JADE2: variants seen among roughly 807,000 people sequenced by gnomAD.
The protein encoded by JADE2 is E3 ubiquitin-protein ligase Jade-2.
JADE2 carries 13 observed loss-of-function variants against 85.7 expected under a neutral mutation model. The observed-to-expected ratio is 0.15, with a 90% confidence interval of 0.10 to 0.24. JADE2 has a LOEUF of 0.24. Among genes scored for constraint, JADE2 ranks in the 10% least tolerant of loss-of-function variants. JADE2 has a pLI of 1.00. For missense variants in JADE2, 846 were observed against 1,115.9 expected, an observed-to-expected ratio of 0.76 and a Z score of 3.45; for synonymous variants, 440 against 456.1, an observed-to-expected ratio of 0.96 and a Z score of 0.45.
intron 1 of JADE2, among the ~76,000 whole-genome samples, chr5:134,534,007 A>G (rs565294012): frequency 2.0e-5 from 3 of 151,930 alleles, no homozygotes; most frequent in Non-Finnish European, 4.4e-5. Flanking sequence ...CGGCCTCCCA[A>G]AGTGCTGGGA....
chr5:134,561,660 CTCAGAGG>C (rs1307268528), intron 6 of JADE2, among the ~76,000 whole-genome samples: 2 of 152,130 alleles, frequency 1.3e-5, no homozygotes, highest in African/African-American at 4.8e-5. Flanking sequence ...CCCTGGGGAG[CTCAGAGG>C]TAGGGACTTT....
chr5:134,582,877 A>C lies in JADE2; in HGVS notation c.*3560A>C, dbSNP rs1446733967. 6.6e-6 allele frequency: 1 copy of C among 152,618 alleles called. No homozygotes were observed. The highest frequency in any genetic ancestry group is 1.5e-5 in the Non-Finnish European group (1 of 68,046). The allele number at this position is 152,618 out of a possible 1,614,324, so 9.5% of individuals were successfully genotyped here. A position where few individuals can be genotyped will look rare whatever the true frequency, so the allele number is the denominator to read the frequency against. On this transcript the variant is annotated 3_prime_UTR_variant, in exon 12 of 12. Transcript: ENST00000681547. ...AAATATATTGAAAAGAGCAATTTTAAATTATTTTTGGCTTATGTTGCAATA... is the reference window on the plus strand; with the variant it reads ...AAATATATTGAAAAGAGCAATTTTACATTATTTTTGGCTTATGTTGCAATA...
At chr5:134,542,008 C>T (rs1356724971) in intron 3 of JADE2, among the ~76,000 whole-genome samples, 3 of 152,244 alleles carry the variant, frequency 2.0e-5, no homozygotes, top group East Asian at 1.9e-4. Flanking sequence ...TGCGGGCCTC[C>T]GAGCTGAGAG....
At chr5:134,568,212 G>A (rs1209077654) in intron 9 of JADE2, among the ~76,000 whole-genome samples, 1 of 152,212 alleles carries the variant, frequency 6.6e-6, no homozygotes, top group Non-Finnish European at 1.5e-5. Flanking sequence ...ACTTGAGGAA[G>A]ATCCTCCCAG....
chr5:134,551,856 G>A (rs188795091), intron 3 of JADE2, among the ~76,000 whole-genome samples, 196 bp from the exon 4 acceptor site: 4 of 152,272 alleles, frequency 2.6e-5, no homozygotes, highest in African/African-American at 7.2e-5. Flanking sequence ...TTTATGGAAC[G>A]TCTACTATGT....
chr5:134,577,893 C>T (rs1311425927), intron 11 of JADE2, among the ~76,000 whole-genome samples: 2 of 151,964 alleles, frequency 1.3e-5, no homozygotes, highest in African/African-American at 2.4e-5. Context: ...TACCCCTATT[C>T]GTACCTGATC....
chr5:134,533,181 T>G (rs1230879506), intron 1 of JADE2, among the ~76,000 whole-genome samples: 1 of 152,144 alleles, frequency 6.6e-6, no homozygotes, highest in Non-Finnish European at 1.5e-5. Flanking sequence ...TAGGAGCCCC[T>G]CCTCCAGGAC....
intron 3 of JADE2, among the ~76,000 whole-genome samples, chr5:134,547,825 C>G (rs1762381460): frequency 1.3e-5 from 2 of 152,206 alleles, no homozygotes; most frequent in Admixed American, 6.5e-5. Flanking sequence ...CTGCTGGGCT[C>G]CAGCCCTGCG....
intron 3 of JADE2, among the ~76,000 whole-genome samples, chr5:134,546,886 A>G (rs1018742018): frequency 4.6e-5 from 7 of 152,138 alleles, no homozygotes; most frequent in African/African-American, 7.2e-5. Flanking sequence ...AGTTTGAAAT[A>G]CTCTGTGATA....
At chr5:134,576,708 T>C in intron 10 of JADE2, 60 bp from the exon 11 acceptor site, 2 of 1,546,378 alleles carry the variant, frequency 1.3e-6, no homozygotes, top group Non-Finnish European at 1.7e-6. Context: ...GGGATCTTGG[T>C]GCTGACCGAG....
chr5:134,554,255 C>T (rs1034482649), intron 4 of JADE2, among the ~76,000 whole-genome samples: 1 of 152,144 alleles, frequency 6.6e-6, no homozygotes, highest in Non-Finnish European at 1.5e-5. Flanking sequence ...CTCCTGATGG[C>T]TGAGTGTTTA....
chr5:134,559,897 T>G lies in JADE2; in HGVS notation c.379T>G (p.Ser127Ala). The change falls in exon 5 of 12, where the codon TCC (serine) becomes GCC (alanine). Residue 127 changes from serine (S) to alanine (A), a missense_variant. Physicochemically the swap from Ser to Ala is moderately conservative, Grantham distance 99. Around this residue, in one of 9 missense-constraint regions of JADE2, gnomAD observed 78 missense variants for 64.9 expected, o/e 1.20. Transcript: ENST00000681547. The part of the protein sequence containing the change: ...SPSSTMLGEG[S>A]QPDWPGGSRY... ...GAGCAGCACCATGCTTGGTGAGGGC[T>G]CCCAGCCTGATTGGCCAGGGGGCAG... is the stretch of plus-strand genomic sequence containing the variant. 1 of 1,614,012 alleles carries G rather than the reference T, an allele frequency of 6.2e-7. No individual in the cohort carries two copies.
At chr5:134,574,932 A>C (rs1764263968) in intron 10 of JADE2, 1 of 152,284 alleles carries the variant, frequency 6.6e-6, no homozygotes, top group South Asian at 2.1e-4. Flanking sequence ...GTCTTCCCAG[A>C]AGCAGTGATG....
rs1039174801 is a variant in JADE2, at chr5:134,580,893, G to A, written c.*1576G>A. Reference sequence around the variant, plus strand: ...TGTTAGATTTCAGATCCTGGGCTGAGCCCACTGTGAGCTTTCCTAAACTGT... The same window carrying A: ...TGTTAGATTTCAGATCCTGGGCTGAACCCACTGTGAGCTTTCCTAAACTGT... On this transcript the variant is annotated 3_prime_UTR_variant, in exon 12 of 12. Coordinates refer to ENST00000681547, the MANE Select transcript of JADE2 (RefSeq NM_001388185.1). 1.3e-5 allele frequency: 2 copies of A among 152,648 alleles called. No individual in the cohort carries two copies. Among genetic ancestry groups the A allele is most frequent in the Non-Finnish European group, 2.9e-5 (2 of 68,054 alleles). 9.5% of individuals were successfully genotyped at this position (152,648 alleles called of 1,614,324 possible). A position where few individuals can be genotyped will look rare whatever the true frequency, so the allele number is the denominator to read the frequency against.
At chr5:134,570,966 G>A (rs188395701) in intron 9 of JADE2, among the ~76,000 whole-genome samples, 7 of 152,362 alleles carry the variant, frequency 4.6e-5, no homozygotes, top group South Asian at 2.1e-4. Context: ...AGGCCTGCCC[G>A]TGTGCCACCA....
In JADE2 at chr5:134,579,921, T is replaced by G. The variant is rs1764616860; in HGVS notation, c.*604T>G. 6.5e-6 allele frequency: 1 copy of G among 152,966 alleles called. No individual in the cohort carries two copies. 9.5% of individuals were successfully genotyped at this position (152,966 alleles called of 1,614,324 possible). A position where few individuals can be genotyped will look rare whatever the true frequency, so the allele number is the denominator to read the frequency against. On this transcript the variant is annotated 3_prime_UTR_variant, in exon 12 of 12. Coordinates refer to ENST00000681547, the MANE Select transcript of JADE2 (RefSeq NM_001388185.1). The surrounding 1 kb of genome is among the most constrained non-coding windows in gnomAD (Gnocchi z 4.6). Reference sequence around the variant, plus strand: ...AGCTGTTCCTGATCAGCCCGTATCATCTGAGGCCTGCCTGCCCACCCTGCC... The same window carrying G: ...AGCTGTTCCTGATCAGCCCGTATCAGCTGAGGCCTGCCTGCCCACCCTGCC...
rs373153187 is a variant in JADE2, at chr5:134,578,800, C to G, written c.1988C>G (p.Thr663Arg). The change falls in exon 12 of 12, where the codon ACG (threonine) becomes AGG (arginine). Residue 663 changes from threonine (T) to arginine (R), a missense_variant. Physicochemically the swap from Thr to Arg is moderately conservative, Grantham distance 71. Coordinates refer to ENST00000681547, the MANE Select transcript of JADE2 (RefSeq NM_001388185.1). The surrounding 1 kb of genome is among the most constrained non-coding windows in gnomAD (Gnocchi z 4.4). ...CCGCAGGACGGGCCTGGTTCACGGA[C>G]GACTCCAGACAAAGCCCCCAAGAAG... ...PPPQDGPGSR[T>R]TPDKAPKKTW... 6.2e-6 allele frequency: 10 copies of G among 1,613,642 alleles called. No individual in the cohort carries two copies. The South Asian group carries it at 8.8e-5, about 14-fold the overall frequency.
chr5:134,540,024 G>A (rs1003801249), intron 3 of JADE2, among the ~76,000 whole-genome samples: 9 of 152,164 alleles, frequency 5.9e-5, no homozygotes, highest in African/African-American at 2.2e-4. Context: ...TAAGAGAGGG[G>A]AATGCAGTGC....
chr5:134,526,210 A>T (rs1477245146), intron 1 of JADE2, 199 bp downstream of exon 1: 1 of 985,202 alleles, frequency 1.0e-6, no homozygotes, highest in Non-Finnish European at 1.2e-6. Flanking sequence ...GAGATTGCGC[A>T]TGTTGGTCAG....
Sources: gnomAD v4.1 joint callset for allele counts (sites outside exome capture counted in the v4.1 genomes callset) on GRCh38, gnomAD v4.1.1 for gene constraint, gnomAD v4.1.1 regional missense constraint, Gnocchi (gnomAD v3.1) non-coding constraint, MANE v1.5 for transcripts, NCBI Gene and HGNC (gene_info 2026-07-23, HGNC 2026-07-21) for gene names.